The following MTRR variants were observed in gnomAD, a reference collection of about 807,000 sequenced individuals.
The protein encoded by MTRR is methionine synthase reductase.
In MTRR, 63 loss-of-function variants were observed where a neutral mutation model predicts 79.2. The observed-to-expected ratio is 0.80, with a 90% CI of 0.65 to 0.98. The LOEUF (loss-of-function observed/expected upper bound fraction) is 0.98, where lower values mean the gene tolerates loss of function less well. MTRR is among the 50% of genes least tolerant of loss of function. MTRR has a pLI of 0.00. For missense variants in MTRR, 895 were observed against 839.6 expected, an observed-to-expected ratio of 1.07 and a Z score of -0.82; for synonymous variants, 355 against 313.3, an observed-to-expected ratio of 1.13 and a Z score of -1.41.
At chr5:7,882,851 TTC>T (rs1735787577) in intron 5 of MTRR, among the ~76,000 whole-genome samples, 2 of 152,214 alleles carry the variant, frequency 1.3e-5, no homozygotes, top group African/African-American at 2.4e-5. Flanking sequence ...TTTGCAGACA[TTC>T]TGTTTCCCTT....
rs1170965528 is a variant in MTRR at position 7,899,900 on chromosome 5, ATTTTC to A, written c.1953-7_1953-3del. The A allele has an allele frequency of 4.3e-6, 7 of 1,614,062 alleles. No homozygotes were observed. In the African/African-American group the frequency reaches 9.3e-5, roughly 22 times the overall value. ...CCTGTTTGTAAGCAGTCATCTTATT[ATTTTC>A]TTTTCTAGAGATGCAAAGAATATGG... On this transcript the variant is annotated splice_polypyrimidine_tract_variant and intron_variant, in intron 14 of 14. Coordinates refer to ENST00000440940, the MANE Select transcript of MTRR (RefSeq NM_002454.3).
At chr5:7,860,327 CCTT>C (rs1370754264) in intron 1 of MTRR, among the ~76,000 whole-genome samples, 4 of 152,248 alleles carry the variant, frequency 2.6e-5, no homozygotes, top group African/African-American at 9.6e-5. Flanking sequence ...TCACATAAGA[CCTT>C]CTTACATTAT....
intron 1 of MTRR, chr5:7,861,174 T>A (rs1373540116): frequency 3.7e-6 from 6 of 1,610,628 alleles, no homozygotes; most frequent in Middle Eastern, 1.6e-4. Flanking sequence ...ACCGAGTAAC[T>A]GTAGGTGTCT....
At chr5:7,857,759 T>C (rs1561085410) in intron 1 of MTRR, among the ~76,000 whole-genome samples, 3 of 152,168 alleles carry the variant, frequency 2.0e-5, no homozygotes, top group Non-Finnish European at 4.4e-5. Context: ...AGCTGGAGCA[T>C]TGAGTGTGCC....
chr5:7,881,439 G>A (rs985919081), intron 5 of MTRR, among the ~76,000 whole-genome samples: 1 of 152,056 alleles, frequency 6.6e-6, no homozygotes, highest in African/African-American at 2.4e-5. Context: ...GATGCGAGAA[G>A]GGAGTTCTTA....
At chr5:7,854,665 C>T (rs541715585) in intron 1 of MTRR, among the ~76,000 whole-genome samples, 2 of 152,134 alleles carry the variant, frequency 1.3e-5, no homozygotes, top group Non-Finnish European at 2.9e-5. Flanking sequence ...GGAACCACCC[C>T]CATGATTCAA....
intron 1 of MTRR, chr5:7,870,206 G>C (rs944056327): frequency 2.6e-6 from 1 of 383,376 alleles, no homozygotes; most frequent in Non-Finnish European, 3.6e-6. Flanking sequence ...ATTAAATAAT[G>C]AAGGAGAGTA....
chr5:7,888,135 T>C (rs162042), intron 8 of MTRR, among the ~76,000 whole-genome samples: 3,661 of 152,204 alleles, frequency 0.024, 75 homozygotes, highest in African/African-American at 0.048. Flanking sequence ...AGGCAAACTT[T>C]CTTGTACTGT....
In MTRR at chr5:7,871,068, G is replaced by A. The variant is rs530462391; in HGVS notation, c.129+145G>A. The A allele has an allele frequency of 9.6e-5, 93 of 964,512 alleles. No individual in the cohort carries two copies. In the African/African-American group the frequency reaches 1.3e-3, roughly 14 times the overall value. 59.7% of individuals were successfully genotyped at this position (964,512 alleles called of 1,614,324 possible). ...ATGTGTTTGTTCAATGGTATAGTAA[G>A]ATATCACCAGCATTTTTTTAATATA... On this transcript the variant is annotated intron_variant, in intron 2 of 14. Transcript: ENST00000440940.
At chr5:7,898,734 C>G (rs926942015) in intron 14 of MTRR, among the ~76,000 whole-genome samples, 2 of 152,104 alleles carry the variant, frequency 1.3e-5, no homozygotes, top group African/African-American at 4.8e-5. Flanking sequence ...AGACACCTCT[C>G]AAGAAATTTC....
upstream of MTRR, chr5:7,867,983 T>C: frequency 6.2e-7 from 1 of 1,614,174 alleles, no homozygotes; most frequent in Non-Finnish European, 8.5e-7. Context: ...GACTACCTTG[T>C]GAACATGATT....
intron 5 of MTRR, among the ~76,000 whole-genome samples, chr5:7,878,934 A>AC (rs1450706487): frequency 7.2e-5 from 11 of 151,774 alleles, no homozygotes; most frequent in African/African-American, 2.2e-4. Flanking sequence ...CAAAAACCAC[A>AC]CCCTTACTGC....
intron 14 of MTRR, among the ~76,000 whole-genome samples, chr5:7,898,860 C>T (rs1053754906): frequency 2.6e-5 from 4 of 152,010 alleles, no homozygotes; most frequent in African/African-American, 7.3e-5. Flanking sequence ...ATTCAGATGT[C>T]GATAGATACG....
chr5:7,861,234 CT>C, intron 1 of MTRR: 1 of 1,610,728 alleles, frequency 6.2e-7, no homozygotes, highest in South Asian at 1.1e-5. Context: ...GGAGCAAAAC[CT>C]TTTTGGACCA....
chr5:7,885,911 T>C, intron 7 of MTRR, 57 bp downstream of exon 7: 1 of 1,609,292 alleles, frequency 6.2e-7, no homozygotes, highest in Non-Finnish European at 8.5e-7. Flanking sequence ...CTGGAGCTGA[T>C]GGTGAGAGTG....
Position 7,891,379 on chromosome 5 carries a change from TC to T in MTRR, c.1337del (p.Pro446LeufsTer96). The T allele has an allele frequency of 5.0e-6, 8 of 1,607,808 alleles. No homozygotes were observed. Among genetic ancestry groups the T allele is most frequent in the Non-Finnish European group, 6.8e-6 (8 of 1,175,498 alleles). On this transcript the variant is annotated frameshift_variant, in exon 10 of 15. Transcript: ENST00000440940. LOFTEE classifies it high-confidence loss of function. ...PPLSLLLEHL[P>X]KLQPRPYSCA... ...GTTTTTATTTTTTTCTAGAACATCTTCCTAAACTTCAACCCAGACCATATTC... is the reference window on the plus strand; with the variant it reads ...GTTTTTATTTTTTTCTAGAACATCTTCTAAACTTCAACCCAGACCATATTC...
upstream of MTRR, chr5:7,867,793 C>T (rs144077073): frequency 8.7e-5 from 140 of 1,614,020 alleles, no homozygotes; most frequent in Non-Finnish European, 1.2e-4. Flanking sequence ...TCTGACTCTC[C>T]TCATTTTTAA....
chr5:7,879,853 G>A (rs370263021), intron 5 of MTRR, among the ~76,000 whole-genome samples: 18 of 152,126 alleles, frequency 1.2e-4, no homozygotes, highest in African/African-American at 4.1e-4. Flanking sequence ...ACCTGTTAAC[G>A]AGCACTGTCA....
rs549966460 is a variant in MTRR at position 7,854,576 on chromosome 5, T to C, written n.391+2991T>C. On this transcript the variant is annotated intron_variant and non_coding_transcript_variant, in intron 1 of 3. Transcript: ENST00000502509. Reference sequence around the variant, plus strand: ...CTTACATGGTGGCGGCAAGAGAAAATGAGGAAGATGCAAAAGCGGAAACCC... The same window carrying C: ...CTTACATGGTGGCGGCAAGAGAAAACGAGGAAGATGCAAAAGCGGAAACCC... Among the ~76,000 whole-genome samples the C allele has an allele frequency of 5.9e-5, 9 of 151,902 alleles. 1 individual carries two copies. The East Asian group carries it at 1.2e-3, about 20-fold the overall frequency.
Sources: allele counts gnomAD v4.1 joint callset (sites outside exome capture counted in the v4.1 genomes callset), GRCh38; gene constraint gnomAD v4.1.1; transcripts MANE v1.5; gene names NCBI Gene and HGNC (gene_info 2026-07-23, HGNC 2026-07-21).